MSRA: variants seen among roughly 807,000 people sequenced by gnomAD.
The protein encoded by MSRA is methionine sulfoxide reductase A.
MSRA carries 54 observed loss-of-function variants against 31.3 expected under a neutral mutation model. That is an observed-to-expected ratio of 1.73 (90% CI 1.39 to 2.17). MSRA has a LOEUF of 2.17. Ranked by LOEUF, MSRA falls within the 30% of genes most tolerant of loss-of-function variation. The probability of loss-of-function intolerance (pLI) is 0.00; values close to 1 mark genes in which losing one functional copy is unlikely to be tolerated. For synonymous variants in MSRA, 169 were observed against 116.5 expected, an observed-to-expected ratio of 1.45 and a Z score of -2.90; for missense variants, 507 against 300.9, an observed-to-expected ratio of 1.69 and a Z score of -5.07.
At chr8:10,295,064 G>A (rs1800459001) in intron 3 of MSRA, among the ~76,000 whole-genome samples, 1 of 152,152 alleles carries the variant, frequency 6.6e-6, no homozygotes, top group Admixed American at 6.5e-5. Flanking sequence ...AGGCACTCCT[G>A]GGCGGCAGGA....
chr8:10,326,659 A>C (rs1802379007), intron 5 of MSRA: 3 of 152,144 alleles, frequency 2.0e-5, no homozygotes, highest in South Asian at 4.1e-4. Context: ...TTTTGCCTTC[A>C]AGGAGAAGAC....
intron 2 of MSRA, among the ~76,000 whole-genome samples, chr8:10,235,861 T>G (rs1382945199): frequency 6.6e-6 from 1 of 152,006 alleles, no homozygotes; most frequent in Admixed American, 6.6e-5. Flanking sequence ...TATAAGAAAA[T>G]AAAGTTATAA....
intron 1 of MSRA, among the ~76,000 whole-genome samples, chr8:10,077,474 T>G (rs13282482): frequency 0.045 from 6,303 of 141,052 alleles, 217 homozygotes; most frequent in Non-Finnish European, 0.058. Flanking sequence ...TTTCACTACC[T>G]TCTCCTTTTT....
chr8:10,256,143 C>A (rs73662811), intron 3 of MSRA, among the ~76,000 whole-genome samples: 24 of 152,294 alleles, frequency 1.6e-4, no homozygotes, highest in East Asian at 9.7e-4. Context: ...TCCTCCCCCC[C>A]CAACCCCTGG....
intron 2 of MSRA, among the ~76,000 whole-genome samples, chr8:10,235,456 A>G (rs981178066): frequency 3.9e-5 from 6 of 152,138 alleles, no homozygotes; most frequent in Non-Finnish European, 8.8e-5. Flanking sequence ...AAAATAAATA[A>G]GCTAATAATT....
chr8:10,421,013 C>A (rs775623187), intron 5 of MSRA, among the ~76,000 whole-genome samples: 1 of 152,086 alleles, frequency 6.6e-6, no homozygotes, highest in Admixed American at 6.5e-5. Context: ...CAAACCACCA[C>A]CAAAAACCAA....
intron 5 of MSRA, among the ~76,000 whole-genome samples, chr8:10,335,157 C>T (rs1473830001): frequency 2.0e-5 from 3 of 151,864 alleles, no homozygotes; most frequent in Non-Finnish European, 4.4e-5. Flanking sequence ...TCATCAGCTT[C>T]TCCATGGAAT....
chr8:10,054,605 T>C lies in MSRA; in HGVS notation c.89T>C (p.Ile30Thr). The C allele has an allele frequency of 6.3e-7, 1 of 1,579,448 alleles. No individual in the cohort carries two copies. Among genetic ancestry groups the C allele is most frequent in the South Asian group, 1.1e-5 (1 of 88,052 alleles). ...AGGATGGGCAACTCGGCCTCGAACA[T>C]CGTCAGCCCCCAGGAGGCCTTGCCG... ...VPRMGNSASN[I>T]VSPQEALPGR... is the part of the protein sequence containing the mutation. The change falls in exon 1 of 6, where the codon ATC (isoleucine) becomes ACC (threonine). Residue 30 changes from isoleucine to threonine, a missense_variant. Coordinates refer to ENST00000317173, the MANE Select transcript of MSRA (RefSeq NM_012331.5).
intron 5 of MSRA, among the ~76,000 whole-genome samples, chr8:10,356,942 C>G (rs1051591672): frequency 1.3e-5 from 2 of 150,690 alleles, no homozygotes; most frequent in African/African-American, 2.4e-5. Context: ...CTTTAAAACA[C>G]GCAGCTTGCC....
intron 1 of MSRA, among the ~76,000 whole-genome samples, chr8:10,114,343 G>T (rs534727209): frequency 4.6e-5 from 7 of 152,196 alleles, no homozygotes; most frequent in African/African-American, 1.7e-4. Flanking sequence ...ATTATCTGGG[G>T]GCCAGACGTA....
intron 5 of MSRA, among the ~76,000 whole-genome samples, chr8:10,359,876 G>A (rs1467218274): frequency 6.6e-6 from 1 of 152,198 alleles, no homozygotes; most frequent in Non-Finnish European, 1.5e-5. Context: ...TAACCTTACA[G>A]CACTGTTCCA....
intron 5 of MSRA, among the ~76,000 whole-genome samples, chr8:10,421,735 G>A (rs1808823265): frequency 6.6e-6 from 1 of 152,190 alleles, no homozygotes; most frequent in African/African-American, 2.4e-5. Flanking sequence ...TGCATCTGTG[G>A]TGTTCCTATG....
chr8:10,200,277 T>A (rs1808383575), intron 1 of MSRA, among the ~76,000 whole-genome samples: 1 of 152,228 alleles, frequency 6.6e-6, no homozygotes, highest in African/African-American at 2.4e-5. Context: ...TTGTTTTTCG[T>A]GCTGTGATTT....
intron 5 of MSRA, among the ~76,000 whole-genome samples, chr8:10,423,994 G>C (rs1242720620): frequency 6.6e-6 from 1 of 152,236 alleles, no homozygotes; most frequent in Non-Finnish European, 1.5e-5. Context: ...CCTGGGTAGT[G>C]GAAGTGGCTT....
chr8:10,259,120 G>A (rs529544636), intron 3 of MSRA, among the ~76,000 whole-genome samples: 3 of 147,304 alleles, frequency 2.0e-5, no homozygotes, highest in East Asian at 2.0e-4. Context: ...AAAAAAAAAA[G>A]AGGCAGATAT....
intron 1 of MSRA, among the ~76,000 whole-genome samples, chr8:10,127,661 A>G (rs942265408): frequency 6.6e-6 from 1 of 152,190 alleles, no homozygotes; most frequent in Non-Finnish European, 1.5e-5. Context: ...TGATATTGGG[A>G]TTAAGGTACT....
chr8:10,222,298 T>C (rs1384705835), intron 2 of MSRA, among the ~76,000 whole-genome samples: 2 of 152,188 alleles, frequency 1.3e-5, no homozygotes, highest in African/African-American at 4.8e-5. Context: ...AGGTTTTCTA[T>C]CCCTCTGTTT....
intron 1 of MSRA, among the ~76,000 whole-genome samples, chr8:10,100,325 G>C (rs1431504007): frequency 6.6e-6 from 1 of 152,172 alleles, no homozygotes; most frequent in Non-Finnish European, 1.5e-5. Flanking sequence ...GTCCAAGGCG[G>C]TGAGGGGCTG....
intron 5 of MSRA, among the ~76,000 whole-genome samples, chr8:10,377,016 C>G (rs1805793559): frequency 6.6e-6 from 1 of 152,226 alleles, no homozygotes; most frequent in African/African-American, 2.4e-5. Context: ...GGGTAAGCCA[C>G]TGAAGCCTTC....
Sources: allele counts gnomAD v4.1 joint callset (sites outside exome capture counted in the v4.1 genomes callset), GRCh38; gene constraint gnomAD v4.1.1; transcripts MANE v1.5; gene names NCBI Gene and HGNC (gene_info 2026-07-23, HGNC 2026-07-21).